Variants in PAWR observed in about 807,000 individuals in gnomAD.
PAWR encodes the protein PRKC apoptosis WT1 regulator protein.
In PAWR, 23 loss-of-function variants were observed where a neutral mutation model predicts 32.0. That is an observed-to-expected ratio of 0.72 (90% CI 0.52 to 1.02). The LOEUF is 1.02. PAWR is among the 50% of genes least tolerant of loss of function. PAWR has a pLI of 0.00. For synonymous variants in PAWR, 226 were observed against 187.1 expected, an observed-to-expected ratio of 1.21 and a Z score of -1.70; for missense variants, 457 against 437.7, an observed-to-expected ratio of 1.04 and a Z score of -0.39.
At chr12:79,669,873 G>T (rs1017715456) in intron 2 of PAWR, among the ~76,000 whole-genome samples, 1 of 151,892 alleles carries the variant, frequency 6.6e-6, no homozygotes, top group Non-Finnish European at 1.5e-5. Context: ...GCTAATTTTT[G>T]TATTTTCAGT....
chr12:79,603,314 C>G (rs6539469), intron 4 of PAWR, among the ~76,000 whole-genome samples: 35,077 of 151,796 alleles, frequency 0.23, 10,929 homozygotes, highest in African/African-American at 0.71. Flanking sequence ...AGGAAAGAAA[C>G]AACTACAAAT....
intron 2 of PAWR, among the ~76,000 whole-genome samples, chr12:79,625,053 G>A (rs1234429399): frequency 6.6e-6 from 1 of 151,902 alleles, no homozygotes; most frequent in Non-Finnish European, 1.5e-5. Context: ...GACATTACCT[G>A]TTCTCCCAAT....
At chr12:79,609,649 C>T (rs1874349791) in intron 4 of PAWR, among the ~76,000 whole-genome samples, 1 of 152,072 alleles carries the variant, frequency 6.6e-6, no homozygotes, top group Non-Finnish European at 1.5e-5. Context: ...AGATTATCTT[C>T]CCACTCTATC....
intron 2 of PAWR, among the ~76,000 whole-genome samples, chr12:79,660,358 C>T (rs184614260): frequency 2.2e-3 from 330 of 152,142 alleles, no homozygotes; most frequent in African/African-American, 7.1e-3. Context: ...AATTAAGTAT[C>T]CCAGGACAAT....
chr12:79,612,494 T>C (rs149210602), intron 4 of PAWR, among the ~76,000 whole-genome samples: 1 of 152,278 alleles, frequency 6.6e-6, no homozygotes, highest in East Asian at 1.9e-4. Flanking sequence ...TGGTCTTACA[T>C]AGTTAATAAA....
chr12:79,684,463 T>C (rs1180146012), intron 2 of PAWR, among the ~76,000 whole-genome samples: 3 of 151,890 alleles, frequency 2.0e-5, no homozygotes, highest in African/African-American at 7.3e-5. Flanking sequence ...ATACAAAAAT[T>C]AGCCAGGCAT....
At chr12:79,638,998 C>T (rs1409501033) in intron 2 of PAWR, among the ~76,000 whole-genome samples, 1 of 140,456 alleles carries the variant, frequency 7.1e-6, no homozygotes, top group African/African-American at 2.6e-5. Flanking sequence ...CTGCAACCTC[C>T]ACCTCCTGGA....
At chr12:79,649,751 AG>A (rs1325473346) in intron 2 of PAWR, among the ~76,000 whole-genome samples, 3 of 152,152 alleles carry the variant, frequency 2.0e-5, no homozygotes, top group African/African-American at 2.4e-5. Flanking sequence ...GATTGCGCCA[AG>A]GGACTCCAGC....
At chr12:79,645,079 T>A (rs1466194994) in intron 2 of PAWR, among the ~76,000 whole-genome samples, 1 of 115,010 alleles carries the variant, frequency 8.7e-6, no homozygotes, top group Non-Finnish European at 1.7e-5. Flanking sequence ...AAAATCAATG[T>A]GGAATAGGAA....
intron 4 of PAWR, chr12:79,604,409 C>T (rs1874087487): frequency 1.3e-5 from 13 of 1,025,574 alleles, no homozygotes; most frequent in South Asian, 6.9e-5. Context: ...GAAAATTACA[C>T]TATTATTCTA....
intron 3 of PAWR, among the ~76,000 whole-genome samples, chr12:79,617,157 G>A (rs1036238150): frequency 6.6e-6 from 1 of 152,134 alleles, no homozygotes; most frequent in Non-Finnish European, 1.5e-5. Flanking sequence ...CGGGAGACCA[G>A]CCTGGCCAAC....
chr12:79,639,787 G>A (rs1876189018), intron 2 of PAWR, among the ~76,000 whole-genome samples: 1 of 139,338 alleles, frequency 7.2e-6, no homozygotes, highest in Non-Finnish European at 1.5e-5. Context: ...AGAATATCAA[G>A]TAAATGAATG....
intron 2 of PAWR, among the ~76,000 whole-genome samples, chr12:79,629,959 C>T (rs556458572): frequency 1.3e-5 from 2 of 151,758 alleles, no homozygotes; most frequent in East Asian, 1.9e-4. Flanking sequence ...TTGAAATCCA[C>T]CTAAAAGCAG....
intron 2 of PAWR, among the ~76,000 whole-genome samples, chr12:79,646,335 G>T (rs1003437890): frequency 6.6e-6 from 1 of 152,126 alleles, no homozygotes; most frequent in African/African-American, 2.4e-5. Flanking sequence ...CATGGAGATG[G>T]TTTATTCTCT....
chr12:79,607,950 G>C (rs1251261514), intron 4 of PAWR, among the ~76,000 whole-genome samples: 1 of 151,076 alleles, frequency 6.6e-6, no homozygotes, highest in Non-Finnish European at 1.5e-5. Flanking sequence ...TCAGGAGCCT[G>C]AGGCAGGAGA....
At chr12:79,604,425 A>G (rs953865827) in intron 4 of PAWR, 8 of 1,028,264 alleles carry the variant, frequency 7.8e-6, no homozygotes, top group Admixed American at 1.2e-4. Flanking sequence ...TTCTAAAACT[A>G]TCATGAGAAT....
At chr12:79,641,845 CAAAAAAAAAAAAAAAAAAAA>C (rs35377529) in intron 2 of PAWR, among the ~76,000 whole-genome samples, 1 of 57,626 alleles carries the variant, frequency 1.7e-5, no homozygotes, top group South Asian at 1.4e-3. Flanking sequence ...GACTCCGTCT[CAAAAAAAAAAAAAAAAAAAA>C]AAAAAAAAAA....
chr12:79,607,879 G>A (rs374341346), intron 4 of PAWR, among the ~76,000 whole-genome samples: 129 of 151,796 alleles, frequency 8.5e-4, no homozygotes, highest in African/African-American at 2.9e-3. Context: ...GTGAAACCCC[G>A]TCTCTACCAA....
intron 2 of PAWR, among the ~76,000 whole-genome samples, chr12:79,662,763 CTT>C (rs1186894079): frequency 6.6e-6 from 1 of 152,178 alleles, no homozygotes; most frequent in Non-Finnish European, 1.5e-5. Flanking sequence ...AGCCTATCTA[CTT>C]TTTCTTAGAT....
Sources: gnomAD v4.1 joint callset for allele counts (sites outside exome capture counted in the v4.1 genomes callset) on GRCh38, gnomAD v4.1.1 for gene constraint, MANE v1.5 for transcripts, NCBI Gene and HGNC (gene_info 2026-07-23, HGNC 2026-07-21) for gene names.